The following OLFM2 variants were observed in gnomAD, a reference collection of about 807,000 sequenced individuals.
The protein encoded by OLFM2 is noelin-2.
OLFM2 carries 20 observed loss-of-function variants against 43.9 expected under a neutral mutation model. That is an observed-to-expected ratio of 0.46 (90% confidence interval 0.32 to 0.66). OLFM2 has a LOEUF of 0.66. Ranked by LOEUF, OLFM2 falls within the 30% of genes least tolerant of loss-of-function variation. OLFM2 has a pLI of 0.04. For missense variants in OLFM2, 416 were observed against 643.6 expected (o/e 0.65, Z 3.83); for synonymous variants, 268 against 278.6 (o/e 0.96, Z 0.38).
intron 1 of OLFM2, among the ~76,000 whole-genome samples, chr19:9,917,826 C>A (rs1329693751): frequency 6.6e-6 from 1 of 152,128 alleles, no homozygotes; most frequent in African/African-American, 2.4e-5. Context: ...GCCACCTCAT[C>A]TACAATCTGA....
Position 9,856,309 on chromosome 19 carries a change from G to A in OLFM2, c.687+498C>T, listed in dbSNP as rs886124891. 1.3e-5 allele frequency among the ~76,000 whole-genome samples: 2 copies of A among 152,070 alleles called. No homozygotes were observed. Among genetic ancestry groups the A allele is most frequent in the Non-Finnish European group, 2.9e-5 (2 of 68,012 alleles). The stretch of plus-strand genomic sequence containing the variant: ...GACAGGGTTTCTCCATGTTGGTCAG[G>A]CTGGTCTCGAACTCCCGACCTCAGG... On this transcript the variant is annotated intron_variant, in intron 5 of 5. Transcript: ENST00000264833. This position sits in a 1 kb window ranked among gnomAD's most constrained non-coding sequence, Gnocchi z 4.0.
intron 1 of OLFM2, among the ~76,000 whole-genome samples, chr19:9,930,237 G>C (rs1361424095): frequency 6.6e-6 from 1 of 152,146 alleles, no homozygotes; most frequent in Non-Finnish European, 1.5e-5. Context: ...AGTGAGGCAA[G>C]TTATGCAAGT....
At chr19:9,870,519 C>T (rs972359439) in intron 1 of OLFM2, among the ~76,000 whole-genome samples, 1 of 152,178 alleles carries the variant, frequency 6.6e-6, no homozygotes, top group African/African-American at 2.4e-5. Flanking sequence ...TCCATCCTTA[C>T]AGGCACTGAA....
chr19:9,898,747 A>G (rs1030319797), intron 1 of OLFM2, among the ~76,000 whole-genome samples: 1 of 152,052 alleles, frequency 6.6e-6, no homozygotes, highest in African/African-American at 2.4e-5. Flanking sequence ...CTCTTCCCCC[A>G]ATTCATCACA....
At chr19:9,865,908 G>A (rs751780157) in intron 1 of OLFM2, among the ~76,000 whole-genome samples, 1 of 151,654 alleles carries the variant, frequency 6.6e-6, no homozygotes, top group South Asian at 2.1e-4. Flanking sequence ...CAAGCAATTT[G>A]GATAGAAACC....
intron 1 of OLFM2, among the ~76,000 whole-genome samples, chr19:9,878,636 G>A (rs576934020): frequency 3.3e-4 from 50 of 152,152 alleles, no homozygotes; most frequent in African/African-American, 1.1e-3. Context: ...CTAATACAAC[G>A]GAAGTGCTTC....
chr19:9,884,611 G>T (rs1422291149), intron 1 of OLFM2, among the ~76,000 whole-genome samples: 1 of 152,144 alleles, frequency 6.6e-6, no homozygotes, highest in Non-Finnish European at 1.5e-5. Flanking sequence ...CCAGTTCTAG[G>T]CATTCTTCAG....
chr19:9,870,373 G>C (rs2046432682), intron 1 of OLFM2, among the ~76,000 whole-genome samples: 1 of 152,188 alleles, frequency 6.6e-6, no homozygotes, highest in Admixed American at 6.5e-5. Context: ...GGCAAAGAAA[G>C]TCCAACGAGG....
At position 9,895,833 on chromosome 19, in the gene OLFM2, A is replaced by G. The variant is rs2046678536; in HGVS notation, c.64-35039T>C. ...GTATTTTTAGTAGAGACAGGGTTTC[A>G]CCATGTTGGCCAGGCTGGTCTCAAA... On this transcript the variant is annotated intron_variant, in intron 1 of 5. Transcript: ENST00000264833. Among the ~76,000 whole-genome samples, 4 of 151,926 alleles carry G rather than the reference A, an allele frequency of 2.6e-5. No individual in the cohort carries two copies. In the South Asian group the frequency reaches 8.3e-4, roughly 32 times the overall value.
chr19:9,912,694 G>C (rs951049603), intron 1 of OLFM2, among the ~76,000 whole-genome samples: 2 of 152,018 alleles, frequency 1.3e-5, no homozygotes, highest in South Asian at 2.1e-4. Flanking sequence ...GGAGGATAAA[G>C]CCTCAAAGGG....
intron 1 of OLFM2, among the ~76,000 whole-genome samples, chr19:9,902,034 A>G (rs530725201): frequency 1.3e-5 from 2 of 151,932 alleles, no homozygotes; most frequent in African/African-American, 4.8e-5. Flanking sequence ...GACTATATAT[A>G]TATATATATT....
intron 1 of OLFM2, among the ~76,000 whole-genome samples, chr19:9,884,276 TAAAAA>T (rs4044581): frequency 2.3e-5 from 3 of 130,934 alleles, no homozygotes; most frequent in Non-Finnish European, 4.8e-5. Context: ...TCTCAAAAAT[TAAAAA>T]AAAAAAAAAA....
At chr19:9,887,521 A>G (rs1269057419) in intron 1 of OLFM2, among the ~76,000 whole-genome samples, 1 of 151,970 alleles carries the variant, frequency 6.6e-6, no homozygotes, top group African/African-American at 2.4e-5. Flanking sequence ...TTACCTTTAG[A>G]ATCTACCCAT....
chr19:9,919,408 C>T (rs2145000926), intron 1 of OLFM2, among the ~76,000 whole-genome samples: 1 of 152,110 alleles, frequency 6.6e-6, no homozygotes, highest in Non-Finnish European at 1.5e-5. Flanking sequence ...CCTCGTAATC[C>T]ACCTGCCTCG....
Position 9,865,817 on chromosome 19 carries a change from T to TAA in OLFM2, c.64-5025_64-5024dup, listed in dbSNP as rs35276534. ...CTCCCTTCTTGATAAATCTCATTCT[T>TAA]AAAAAAAAAAAAAAAAAACAAAGAA... On this transcript the variant is annotated intron_variant, in intron 1 of 5. Coordinates refer to ENST00000264833, the MANE Select transcript of OLFM2 (RefSeq NM_058164.4). 5.9e-3 allele frequency among the ~76,000 whole-genome samples: 737 copies of TAA among 124,106 alleles called. 4 individuals carry two copies. The highest frequency in any genetic ancestry group is 0.02 in the African/African-American group (696 of 34,278). 81.4% of individuals were successfully genotyped at this position (124,106 alleles called of 152,430 possible).
intron 1 of OLFM2, among the ~76,000 whole-genome samples, chr19:9,893,454 C>T (rs150491671): frequency 0.013 from 2,030 of 152,256 alleles, 33 homozygotes; most frequent in African/African-American, 0.046. Flanking sequence ...CGTGAGCCAC[C>T]GCACCCGGCC....
At chr19:9,903,860 C>A (rs747908555) in intron 1 of OLFM2, among the ~76,000 whole-genome samples, 31 of 152,122 alleles carry the variant, frequency 2.0e-4, no homozygotes, top group Non-Finnish European at 3.4e-4. Context: ...CATTTTTGGC[C>A]TCAATACTAT....
At chr19:9,862,682 TA>T (rs200610488) in intron 1 of OLFM2, among the ~76,000 whole-genome samples, 2 of 150,554 alleles carry the variant, frequency 1.3e-5, no homozygotes, top group South Asian at 2.1e-4. Context: ...CCCCATCTCT[TA>T]AAAAAAACAG....
Position 9,901,619 on chromosome 19 carries a change from C to T in OLFM2, c.63+34685G>A, listed in dbSNP as rs188769526. On this transcript the variant is annotated intron_variant, in intron 1 of 5. Coordinates refer to ENST00000264833, the MANE Select transcript of OLFM2 (RefSeq NM_058164.4). ...GAGCCTGAGGGCACTTTTGAGGCCA[C>T]CTTTGTTGGCTTTGAGATCTCGCTT... Among the ~76,000 whole-genome samples the T allele has an allele frequency of 3.9e-3, 587 of 152,214 alleles. 4 individuals are homozygous for T. The highest frequency in any genetic ancestry group is 0.014 in the African/African-American group (567 of 41,530).
Sources: gnomAD v4.1 joint callset for allele counts (sites outside exome capture counted in the v4.1 genomes callset) on GRCh38, gnomAD v4.1.1 for gene constraint, Gnocchi (gnomAD v3.1) non-coding constraint, MANE v1.5 for transcripts, NCBI Gene and HGNC (gene_info 2026-07-23, HGNC 2026-07-21) for gene names.